GRWD1: variants seen among roughly 807,000 people sequenced by gnomAD.
GRWD1 encodes the protein glutamate-rich WD repeat-containing protein 1.
In GRWD1, 29 loss-of-function variants were observed where a neutral mutation model predicts 45.3. The observed-to-expected ratio is 0.64, with a 90% CI of 0.48 to 0.87. The LOEUF is 0.87. Ranked by LOEUF, GRWD1 falls within the 40% of genes least tolerant of loss-of-function variation. GRWD1 has a pLI of 0.00. For synonymous variants in GRWD1, 262 were observed against 257.6 expected (o/e 1.02, Z -0.16); for missense variants, 592 against 618.8 (o/e 0.96, Z 0.46).
rs1000511465 is a variant in GRWD1, at chr19:48,454,071, C to A, written c.*1046C>A. 1 of 152,158 alleles carries A rather than the reference C, an allele frequency of 6.6e-6. No homozygotes were observed. The highest frequency in any genetic ancestry group is 2.4e-5 in the African/African-American group (1 of 41,362). The allele number at this position is 152,158 out of a possible 1,614,324, so 9.4% of individuals were successfully genotyped here. On this transcript the variant is annotated 3_prime_UTR_variant, in exon 7 of 7. Coordinates refer to ENST00000253237, the MANE Select transcript of GRWD1 (RefSeq NM_031485.4). ...ACCTTCCGCCCACTGGGTGCCGCCG[C>A]GTTCTGCCTTCTCTAAGTGTCCTTC...
At position 48,450,475 on chromosome 19, in the gene GRWD1, G is replaced by A. The variant is rs891739403; in HGVS notation, c.631G>A (p.Ala211Thr). ...QAQMKPIFSF[A>T]GHMGEGFALD... is the part of the protein sequence containing the mutation. ...CCAAATGAAGCCCATCTTCTCCTTC[G>A]CTGGACACATGGGCGAGGGCTTTGC... The change falls in exon 4 of 7, where the codon GCT (alanine) becomes ACT (threonine). Residue 211 changes from alanine (A) to threonine (T), a missense_variant. By Grantham distance (58) the Ala-to-Thr change is moderately conservative (BLOSUM62 0). Coordinates refer to ENST00000253237, the MANE Select transcript of GRWD1 (RefSeq NM_031485.4). The surrounding 1 kb of genome is among the most constrained non-coding windows in gnomAD (Gnocchi z 5.1). 27 of 1,614,036 alleles carry A rather than the reference G, an allele frequency of 1.7e-5. No homozygotes were observed. Among genetic ancestry groups the A allele is most frequent in the East Asian group, 2.2e-5 (1 of 44,886 alleles).
In GRWD1 at chr19:48,446,131, C is replaced by G; in HGVS notation, c.126C>G (p.Arg42=). 3 of 1,607,566 alleles carry G rather than the reference C, an allele frequency of 1.9e-6. No individual in the cohort carries two copies. Among genetic ancestry groups the G allele is most frequent in the Non-Finnish European group, 2.5e-6 (3 of 1,178,216 alleles). The change falls in exon 1 of 7, where the codon CGC becomes CGG. Residue 42 remains arginine (R), a synonymous_variant. Coordinates refer to ENST00000253237, the MANE Select transcript of GRWD1 (RefSeq NM_031485.4). ...TGCCCGGCCGGGGGCCGCCGCTACGCGAAGGGGAGGAGCTGGTCATGGACG... is the reference window on the plus strand; with the variant it reads ...TGCCCGGCCGGGGGCCGCCGCTACGGGAAGGGGAGGAGCTGGTCATGGACG... ...VYLPGRGPPL[R]EGEELVMDEE...
At position 48,450,597 on chromosome 19, in the gene GRWD1, T is replaced by C; in HGVS notation, c.683-69T>C. On this transcript the variant is annotated intron_variant, in intron 4 of 6. Coordinates refer to ENST00000253237, the MANE Select transcript of GRWD1 (RefSeq NM_031485.4). The surrounding 1 kb of genome is among the most constrained non-coding windows in gnomAD (Gnocchi z 5.1). ...GGGTCTGCAACAAGGGGCCGGGCGC[T>C]TAGACTCCAAGGAGGGGAGCGAGCT... 6.2e-7 allele frequency: 1 copy of C among 1,609,450 alleles called. No homozygotes were observed. The highest frequency in any genetic ancestry group is 8.5e-7 in the Non-Finnish European group (1 of 1,177,152).
In GRWD1 at chr19:48,451,081, C is replaced by T; in HGVS notation, c.873C>T (p.Ile291=). Residue 291 remains isoleucine, a synonymous_variant, in exon 6 of 7, where the codon ATC becomes ATT. Coordinates refer to ENST00000253237, the MANE Select transcript of GRWD1 (RefSeq NM_031485.4). ...ACGCCTCCATCCGCATCTGGGACAT[C>T]CGGGCAGCCCCCAGCAAGGCCTGCA... ...SADASIRIWD[I]RAAPSKACML... The T allele has an allele frequency of 6.2e-7, 1 of 1,614,160 alleles. No individual in the cohort carries two copies. Among genetic ancestry groups the T allele is most frequent in the Non-Finnish European group, 8.5e-7 (1 of 1,180,008 alleles).
rs1398814153 is a variant in GRWD1, at chr19:48,446,079, G to A, written c.74G>A (p.Ser25Asn). 21 of 1,597,088 alleles carry A rather than the reference G, an allele frequency of 1.3e-5. No individual in the cohort carries two copies. Among genetic ancestry groups the A allele is most frequent in the Non-Finnish European group, 1.8e-5 (21 of 1,173,466 alleles). The part of the protein sequence containing the change: ...EPMEAESGDT[S>N]SEGPAQVYLP... ...ATGGAAGCCGAGTCCGGCGACACAA[G>A]TTCCGAGGGCCCGGCCCAGGTCTAC... is the stretch of plus-strand genomic sequence containing the variant. The change falls in exon 1 of 7, where the codon AGT (serine) becomes AAT (asparagine). Residue 25 changes from serine to asparagine, a missense_variant. Transcript: ENST00000253237.
At chr19:48,448,453 A>G (rs1687733398) in intron 3 of GRWD1, among the ~76,000 whole-genome samples, 1 of 152,248 alleles carries the variant, frequency 6.6e-6, no homozygotes, top group African/African-American at 2.4e-5. Flanking sequence ...CTCTGGCTCC[A>G]TCAACTTACA....
intron 1 of GRWD1, 92 bp downstream of exon 1, chr19:48,446,284 G>A: frequency 1.3e-6 from 2 of 1,564,290 alleles, no homozygotes; most frequent in Middle Eastern, 1.7e-4. Flanking sequence ...TGGGGTCTAA[G>A]AGAAGTGATT....
chr19:48,451,011 C>G (rs1314199351), intron 5 of GRWD1, 23 bp from the exon 6 acceptor site: 18 of 1,604,908 alleles, frequency 1.1e-5, no homozygotes, highest in Middle Eastern at 1.7e-4. Flanking sequence ...GCATTGGGAC[C>G]ACTCAGACTC....
Position 48,453,166 on chromosome 19 carries a change from TTC to T in GRWD1, c.*145_*146del. ...GTGATGGATTCTGTTTGACGTATTG[TTC>T]TCTAGAAGGCCTGGCTCTGATCCAG... On this transcript the variant is annotated 3_prime_UTR_variant, in exon 7 of 7. Coordinates refer to ENST00000253237, the MANE Select transcript of GRWD1 (RefSeq NM_031485.4). The T allele has an allele frequency of 1.4e-6, 1 of 740,020 alleles. No homozygotes were observed. Among genetic ancestry groups the T allele is most frequent in the South Asian group, 1.9e-5 (1 of 52,380 alleles). The allele number at this position is 740,020 out of a possible 1,614,324, so 45.8% of individuals were successfully genotyped here.
intron 3 of GRWD1, among the ~76,000 whole-genome samples, chr19:48,447,271 A>G (rs1274929049): frequency 1.3e-5 from 2 of 149,196 alleles, no homozygotes; most frequent in Non-Finnish European, 3.0e-5. Flanking sequence ...TTTTGAGATG[A>G]AGTCTTGCTC....
At position 48,450,380 on chromosome 19, in the gene GRWD1, C is replaced by T. The variant is rs749920633; in HGVS notation, c.536C>T (p.Ala179Val). Residue 179 changes from alanine (A) to valine (V), a missense_variant, in exon 4 of 7, where the codon GCG becomes GTG. Transcript: ENST00000253237. This position sits in a 1 kb window ranked among gnomAD's most constrained non-coding sequence, Gnocchi z 5.1. ...WSEKGQVEVF[A>V]LRRLLQVVEE... ...GAGAAGGGCCAGGTGGAGGTGTTTG[C>T]GCTGCGGCGGCTTCTGCAGGTGGTG... is the stretch of plus-strand genomic sequence containing the variant. 7.4e-6 allele frequency: 12 copies of T among 1,613,436 alleles called. No individual in the cohort carries two copies. The highest frequency in any genetic ancestry group is 4.0e-5 in the African/African-American group (3 of 74,878).
In GRWD1 at chr19:48,446,170, G is replaced by A. The variant is rs1971399149; in HGVS notation, c.165G>A (p.Val55=). ...TGGTCATGGACGAGGAGGCCTATGT[G>A]CTCTACCACCGAGCGCAGACTGGTA... ...EELVMDEEAY[V]LYHRAQTGAP... is the part of the protein sequence containing the mutation. The change falls in exon 1 of 7, where the codon GTG becomes GTA. Residue 55 remains valine, a synonymous_variant. Coordinates refer to ENST00000253237, the MANE Select transcript of GRWD1 (RefSeq NM_031485.4). The A allele has an allele frequency of 1.2e-6, 2 of 1,603,264 alleles. No homozygotes were observed. Among genetic ancestry groups the A allele is most frequent in the Admixed American group, 1.8e-5 (1 of 56,244 alleles).
rs1459245984 is a variant in GRWD1, at chr19:48,453,160, G to A, written c.*135G>A. 29 of 758,460 alleles carry A rather than the reference G, an allele frequency of 3.8e-5. No individual in the cohort carries two copies. In the Admixed American group the frequency reaches 3.9e-4, roughly 10 times the overall value. 47.0% of individuals were successfully genotyped at this position (758,460 alleles called of 1,614,324 possible). A position where few individuals can be genotyped will look rare whatever the true frequency, so the allele number is the denominator to read the frequency against. On this transcript the variant is annotated 3_prime_UTR_variant, in exon 7 of 7. Transcript: ENST00000253237. ...GCTGCCGTGATGGATTCTGTTTGAC[G>A]TATTGTTCTCTAGAAGGCCTGGCTC... is the stretch of plus-strand genomic sequence containing the variant.
intron 3 of GRWD1, among the ~76,000 whole-genome samples, chr19:48,447,696 A>G (rs1971426515): frequency 6.6e-6 from 1 of 152,222 alleles, no homozygotes; most frequent in Admixed American, 6.5e-5. Context: ...CAGTTTTTAG[A>G]AAAGTACTTG....
chr19:48,450,679 C>CGGT lies in GRWD1; in HGVS notation c.698_700dup (p.Gly233dup). On this transcript the variant is annotated inframe_insertion, in exon 5 of 7. Transcript: ENST00000253237. This position sits in a 1 kb window ranked among gnomAD's most constrained non-coding sequence, Gnocchi z 5.1. ...TCCCTTCCCCAGGTCGCCTGCTGACCGGTGACTGTCAAAAGAACATCCACC... is the reference window on the plus strand; with the variant it reads ...TCCCTTCCCCAGGTCGCCTGCTGACCGGTGGTGACTGTCAAAAGAACATCCACC... 6.2e-7 allele frequency: 1 copy of CGGT among 1,613,830 alleles called. No homozygotes were observed. The highest frequency in any genetic ancestry group is 8.5e-7 in the Non-Finnish European group (1 of 1,179,972).
At chr19:48,446,621 C>G in intron 2 of GRWD1, 60 bp from the exon 3 acceptor site, 4 of 1,550,288 alleles carry the variant, frequency 2.6e-6, no homozygotes, top group South Asian at 2.3e-5. Flanking sequence ...GGTTTCCAGC[C>G]TCTCTCCTTC....
intron 3 of GRWD1, 51 bp downstream of exon 3, chr19:48,446,894 C>CCATCCCCT: frequency 6.6e-7 from 1 of 1,506,396 alleles, no homozygotes. Context: ...CACATCTGAC[C>CCATCCCCT]CATCCCCTGT....
chr19:48,452,732 A>T lies in GRWD1; in HGVS notation c.1048A>T (p.Lys350Ter). Residue 350 changes from lysine (K) to a stop codon, truncating the protein, a stop_gained, in exon 7 of 7, where the codon AAG becomes TAG. Transcript: ENST00000253237. LOFTEE classifies it high-confidence loss of function. The surrounding 1 kb of genome is among the most constrained non-coding windows in gnomAD (Gnocchi z 5.1). ...GTCTGGTTCCCCAGTGGCCACCTTC[A>T]AGCAGCACGTGGCCCCCGTGACCTC... is the stretch of plus-strand genomic sequence containing the variant. ...FKSGSPVATFKQHVAPVTSVE... is the reference protein window; with the variant it reads ...FKSGSPVATF 3 of 1,582,484 alleles carry T rather than the reference A, an allele frequency of 1.9e-6. No homozygotes were observed. In the South Asian group the frequency reaches 3.4e-5, roughly 18 times the overall value.
rs1158137103 is a variant in GRWD1 at position 48,457,015 on chromosome 19, A to C, written c.*3990A>C. 1 of 140,512 alleles carries C rather than the reference A, an allele frequency of 7.1e-6. No homozygotes were observed. The highest frequency in any genetic ancestry group is 1.5e-5 in the Non-Finnish European group (1 of 65,892). The allele number at this position is 140,512 out of a possible 1,614,324, so 8.7% of individuals were successfully genotyped here. A position where few individuals can be genotyped will look rare whatever the true frequency, so the allele number is the denominator to read the frequency against. On this transcript the variant is annotated 3_prime_UTR_variant, in exon 7 of 7. Coordinates refer to ENST00000253237, the MANE Select transcript of GRWD1 (RefSeq NM_031485.4). ...TCTTTTTTTTTTTTTTTTCTTTAAG[A>C]GATAGGGTCTTGCTCTGTTGCCCAG...
Sources: allele counts gnomAD v4.1 joint callset (sites outside exome capture counted in the v4.1 genomes callset), GRCh38; gene constraint gnomAD v4.1.1; non-coding constraint Gnocchi (gnomAD v3.1); transcripts MANE v1.5; gene names NCBI Gene and HGNC (gene_info 2026-07-23, HGNC 2026-07-21).